Variants in ZSWIM5 observed in about 807,000 individuals in gnomAD.
ZSWIM5 encodes the protein zinc finger SWIM-type containing 5.
Under a neutral mutation model 119.6 loss-of-function variants are expected in ZSWIM5, and 55 were observed. The ratio of observed to expected loss-of-function variants is 0.46; its 90% CI spans 0.37 to 0.58. The LOEUF (loss-of-function observed/expected upper bound fraction) is 0.58. Among genes scored for constraint, ZSWIM5 ranks in the 20% least tolerant of loss-of-function variants. The probability of loss-of-function intolerance (pLI) is 0.00; values close to 1 mark genes in which losing one functional copy is unlikely to be tolerated. For missense variants in ZSWIM5, 1,193 were observed against 1,512.8 expected, an observed-to-expected ratio of 0.79 and a Z score of 3.51; for synonymous variants, 537 against 606.9, an observed-to-expected ratio of 0.88 and a Z score of 1.69.
At chr1:45,204,552 A>C (rs1392383725) in intron 1 of ZSWIM5, among the ~76,000 whole-genome samples, 3 of 152,236 alleles carry the variant, frequency 2.0e-5, no homozygotes, top group African/African-American at 7.2e-5. Context: ...CACAGGAATC[A>C]ATGATTCTCA....
chr1:45,168,493 A>ATT (rs1176754061), intron 1 of ZSWIM5, among the ~76,000 whole-genome samples: 3 of 147,734 alleles, frequency 2.0e-5, no homozygotes, highest in Admixed American at 6.7e-5. Flanking sequence ...ATATATATAT[A>ATT]TTTTTTTTAA....
At chr1:45,153,093 TA>T (rs76324771) in intron 1 of ZSWIM5, among the ~76,000 whole-genome samples, 43,926 of 105,694 alleles carry the variant, frequency 0.42, 6,882 homozygotes, top group African/African-American at 0.48. Flanking sequence ...ATTAAAAAGT[TA>T]AAAAAAAAAA....
chr1:45,021,565 T>C (rs1159609724), intron 11 of ZSWIM5, among the ~76,000 whole-genome samples: 1 of 152,224 alleles, frequency 6.6e-6, no homozygotes, highest in South Asian at 2.1e-4. Flanking sequence ...AAGACTGTTA[T>C]ATCTTATAAA....
chr1:45,157,958 TATA>T (rs1247453450), intron 1 of ZSWIM5, among the ~76,000 whole-genome samples: 3 of 152,172 alleles, frequency 2.0e-5, no homozygotes, highest in African/African-American at 7.2e-5. Flanking sequence ...TCCATTTGTA[TATA>T]ATCTTTTGTG....
intron 11 of ZSWIM5, among the ~76,000 whole-genome samples, chr1:45,030,088 G>T (rs1253883844): frequency 6.6e-6 from 1 of 152,018 alleles, no homozygotes; most frequent in African/African-American, 2.4e-5. Flanking sequence ...GGGACTACAG[G>T]GGGGTGCCAC....
chr1:45,161,354 T>C (rs1477394319), intron 1 of ZSWIM5, among the ~76,000 whole-genome samples: 1 of 152,206 alleles, frequency 6.6e-6, no homozygotes, highest in East Asian at 1.9e-4. Context: ...GTGGTTGTAC[T>C]AATTTACATT....
intron 1 of ZSWIM5, among the ~76,000 whole-genome samples, chr1:45,138,577 T>C (rs1645704105): frequency 6.7e-6 from 1 of 148,514 alleles, no homozygotes. Flanking sequence ...CCCACACATA[T>C]GGAGGGTCAA....
chr1:45,086,881 A>T (rs947498298), intron 2 of ZSWIM5, among the ~76,000 whole-genome samples: 1 of 131,948 alleles, frequency 7.6e-6, no homozygotes, highest in East Asian at 2.1e-4. Flanking sequence ...TTCTTCTTAA[A>T]TTTTTTTTTT....
chr1:45,133,457 GGTT>G (rs1645670984), intron 1 of ZSWIM5, among the ~76,000 whole-genome samples: 1 of 152,172 alleles, frequency 6.6e-6, no homozygotes, highest in African/African-American at 2.4e-5. Context: ...TTTTTGATGG[GGTT>G]GTTTTTATCT....
intron 1 of ZSWIM5, among the ~76,000 whole-genome samples, chr1:45,115,372 C>T (rs1251967023): frequency 1.3e-5 from 2 of 151,822 alleles, no homozygotes; most frequent in African/African-American, 4.8e-5. Context: ...GGGCTCCTCA[C>T]TTCCCAGACT....
At chr1:45,184,291 C>T (rs1232244738) in intron 1 of ZSWIM5, among the ~76,000 whole-genome samples, 1 of 151,876 alleles carries the variant, frequency 6.6e-6, no homozygotes, top group Non-Finnish European at 1.5e-5. Flanking sequence ...CAGCCAATAT[C>T]ATACTGAATG....
chr1:45,134,527 C>T (rs1645677876), intron 1 of ZSWIM5, among the ~76,000 whole-genome samples: 1 of 152,140 alleles, frequency 6.6e-6, no homozygotes, highest in African/African-American at 2.4e-5. Context: ...GTTTTTATAA[C>T]AGTTTCAAGG....
chr1:45,075,373 T>C (rs1236744665), intron 2 of ZSWIM5, among the ~76,000 whole-genome samples: 1 of 152,208 alleles, frequency 6.6e-6, no homozygotes, highest in African/African-American at 2.4e-5. Flanking sequence ...TTGCTCTATA[T>C]ATTTGGGTGC....
In ZSWIM5 at chr1:45,020,728, G is replaced by C; in HGVS notation, c.2510C>G (p.Ser837Cys). 6.2e-7 allele frequency: 1 copy of C among 1,614,156 alleles called. No individual in the cohort carries two copies. The highest frequency in any genetic ancestry group is 8.5e-7 in the Non-Finnish European group (1 of 1,180,024). ...EAIQKHIHSS[S>C]LIFKLAQDAF... ...ATCTTGGGCCAGTTTGAAGATGAGG[G>C]AGGAAGAATGAATGTGCTTCTGTAT... The change falls in exon 12 of 14, where the codon TCC becomes TGC. Residue 837 changes from serine (S) to cysteine (C), a missense_variant. By Grantham distance (112) the Ser-to-Cys change is moderately radical. Coordinates refer to ENST00000359600, the MANE Select transcript of ZSWIM5 (RefSeq NM_020883.2).
chr1:45,185,965 G>A (rs974676441), intron 1 of ZSWIM5, among the ~76,000 whole-genome samples: 37 of 152,022 alleles, frequency 2.4e-4, no homozygotes, highest in Middle Eastern at 3.4e-3. Flanking sequence ...TGTTTATTGC[G>A]GCATTATTCA....
chr1:45,202,532 A>G (rs1430632262), intron 1 of ZSWIM5, among the ~76,000 whole-genome samples: 1 of 152,070 alleles, frequency 6.6e-6, no homozygotes, highest in Non-Finnish European at 1.5e-5. Context: ...CAAATCATGT[A>G]CTTATTAAAA....
chr1:45,019,117 A>G lies in ZSWIM5; in HGVS notation c.2895T>C (p.Cys965=), dbSNP rs1644872149. ...CACAGAGTGTAAGGGCTGACAGGGC[A>G]CAGCTCTGTGGATCCTTCATAGCAC... is the stretch of plus-strand genomic sequence containing the variant. The part of the protein sequence containing the change: ...LQCAMKDPQS[C]ALSALTLCEK... The change falls in exon 14 of 14, where the codon TGT becomes TGC. Residue 965 remains cysteine (C), a synonymous_variant. Transcript: ENST00000359600. The surrounding 1 kb of genome is among the most constrained non-coding windows in gnomAD (Gnocchi z 5.0). The G allele has an allele frequency of 6.2e-7, 1 of 1,614,122 alleles. No individual in the cohort carries two copies. The highest frequency in any genetic ancestry group is 8.5e-7 in the Non-Finnish European group (1 of 1,180,018).
rs965332101 is a variant in ZSWIM5 at position 45,017,905 on chromosome 1, C to G, written c.*549G>C. The G allele has an allele frequency of 2.5e-5, 4 of 161,160 alleles. No individual in the cohort carries two copies. Among genetic ancestry groups the G allele is most frequent in the Admixed American group, 2.3e-4 (4 of 17,124 alleles). The allele number at this position is 161,160 out of a possible 1,614,324, so 10.0% of individuals were successfully genotyped here. A position where few individuals can be genotyped will look rare whatever the true frequency, so the allele number is the denominator to read the frequency against. ...TGGCCATTTTTCTCCTTGGCACCCC[C>G]ACTCTTCCACTGCTACCAGCAAACA... On this transcript the variant is annotated 3_prime_UTR_variant, in exon 14 of 14. Coordinates refer to ENST00000359600, the MANE Select transcript of ZSWIM5 (RefSeq NM_020883.2).
chr1:45,147,130 G>T (rs1466754655), intron 1 of ZSWIM5, among the ~76,000 whole-genome samples: 1 of 151,098 alleles, frequency 6.6e-6, no homozygotes, highest in Admixed American at 6.6e-5. Context: ...GCTGGAGTGC[G>T]GTGGTACAAT....
Sources: gnomAD v4.1 joint callset for allele counts (sites outside exome capture counted in the v4.1 genomes callset) on GRCh38, gnomAD v4.1.1 for gene constraint, Gnocchi (gnomAD v3.1) non-coding constraint, MANE v1.5 for transcripts, NCBI Gene and HGNC (gene_info 2026-07-23, HGNC 2026-07-21) for gene names.